LRBA: variants seen among roughly 807,000 people sequenced by gnomAD.
LRBA encodes the protein LPS responsive beige-like anchor protein.
A neutral mutation model predicts 330.0 loss-of-function variants in LRBA; 176 were observed. The observed-to-expected ratio is 0.53, with a 90% confidence interval of 0.47 to 0.60. The LOEUF is 0.60. Among genes scored for constraint, LRBA ranks in the 20% least tolerant of loss-of-function variants. The probability of loss-of-function intolerance (pLI) is 0.00; values close to 1 mark genes in which losing one functional copy is unlikely to be tolerated. For missense variants in LRBA, 3,259 were observed against 3,444.8 expected, an observed-to-expected ratio of 0.95 and a Z score of 1.35; for synonymous variants, 1,230 against 1,193.0, an observed-to-expected ratio of 1.03 and a Z score of -0.64.
At chr4:150,544,342 G>A (rs139028268) in intron 40 of LRBA, among the ~76,000 whole-genome samples, 1 of 151,958 alleles carries the variant, frequency 6.6e-6, no homozygotes, top group African/African-American at 2.4e-5. Flanking sequence ...TGGCCAGGCT[G>A]GTCTCAAACC....
chr4:150,498,040 A>C (rs1448119295), intron 40 of LRBA, among the ~76,000 whole-genome samples: 1 of 152,212 alleles, frequency 6.6e-6, no homozygotes, highest in Non-Finnish European at 1.5e-5. Context: ...CAGCTTTAAA[A>C]ATTAATTTCA....
intron 44 of LRBA, among the ~76,000 whole-genome samples, chr4:150,444,094 G>A (rs551484171): frequency 6.6e-6 from 1 of 151,616 alleles, no homozygotes; most frequent in African/African-American, 2.4e-5. Flanking sequence ...CATCAAAACC[G>A]AATTTTTTTA....
intron 36 of LRBA, among the ~76,000 whole-genome samples, chr4:150,707,623 T>A (rs2127021377): frequency 6.6e-6 from 1 of 151,814 alleles, no homozygotes; most frequent in East Asian, 1.9e-4. Context: ...CCATTTGTCC[T>A]AGAATTGGGG....
chr4:151,001,499 A>T (rs1269486285), intron 2 of LRBA, among the ~76,000 whole-genome samples: 1 of 151,926 alleles, frequency 6.6e-6, no homozygotes, highest in Admixed American at 6.6e-5. Context: ...TCAGCCCACT[A>T]CCATTGGCAC....
chr4:150,914,350 G>GA lies in LRBA; in HGVS notation c.1015-10dup, dbSNP rs753223643. On this transcript the variant is annotated splice_polypyrimidine_tract_variant and intron_variant, in intron 8 of 56. Transcript: ENST00000651943. ...AAACATTTGTCAAAGGTCTGTAAAA[G>GA]AAAAAAAAAAAGGAATTAGGAAAAA... The GA allele has an allele frequency of 0.032, 29,341 of 921,400 alleles. 7 individuals are homozygous for GA. The highest frequency in any genetic ancestry group is 0.039 in the South Asian group (1,429 of 36,726). The allele number at this position is 921,400 out of a possible 1,614,324, so 57.1% of individuals were successfully genotyped here. A position where few individuals can be genotyped will look rare whatever the true frequency, so the allele number is the denominator to read the frequency against.
At chr4:150,314,452 T>C (rs1731463989) in intron 51 of LRBA, among the ~76,000 whole-genome samples, 1 of 152,194 alleles carries the variant, frequency 6.6e-6, no homozygotes, top group Non-Finnish European at 1.5e-5. Context: ...ATCCTGATAG[T>C]CTACCTGCTA....
rs548030636 is a variant in LRBA at position 151,011,031 on chromosome 4, CA to C, written c.216+3395del. On this transcript the variant is annotated intron_variant, in intron 2 of 56. Transcript: ENST00000651943. ...TGAAACCCCGTCTCTACTAAAAATA[CA>C]AAAAATTAGCTGGGCGTGGTGGCGG... 1.9e-4 allele frequency among the ~76,000 whole-genome samples: 29 copies of C among 151,528 alleles called. No homozygotes were observed. The East Asian group carries it at 5.1e-3, about 26-fold the overall frequency.
At chr4:150,578,315 ACT>A (rs1455998231) in intron 40 of LRBA, among the ~76,000 whole-genome samples, 2 of 152,196 alleles carry the variant, frequency 1.3e-5, no homozygotes, top group Non-Finnish European at 2.9e-5. Context: ...TTTTTAAAGT[ACT>A]CTGTCAACTC....
chr4:150,926,339 A>C (rs1042797147), intron 4 of LRBA, among the ~76,000 whole-genome samples: 2 of 152,190 alleles, frequency 1.3e-5, no homozygotes, highest in African/African-American at 4.8e-5. Context: ...CTGAGACTTG[A>C]GAGTTATTCA....
intron 40 of LRBA, among the ~76,000 whole-genome samples, chr4:150,494,101 G>T (rs377098444): frequency 9.2e-5 from 14 of 152,042 alleles, no homozygotes; most frequent in African/African-American, 2.4e-4. Context: ...AGAAAAAAAA[G>T]AAAAATGAGG....
At position 150,850,828 on chromosome 4, in the gene LRBA, T is replaced by C. The variant is rs1226472293; in HGVS notation, c.3900A>G (p.Arg1300=). 1 of 1,613,820 alleles carries C rather than the reference T, an allele frequency of 6.2e-7. No homozygotes were observed. Among genetic ancestry groups the C allele is most frequent in the Non-Finnish European group, 8.5e-7 (1 of 1,179,880 alleles). The change falls in exon 24 of 57, where the codon AGA becomes AGG. Residue 1300 remains arginine, a synonymous_variant. Coordinates refer to ENST00000651943, the MANE Select transcript of LRBA (RefSeq NM_001364905.1). ...ACTCAGGAATACGAAACACAGTAGA[T>C]CTGGAATCCCTCCTTTGTCCATTAA... ...DAVNGQRRDS[R]STVFRIPEFN... is the part of the protein sequence containing the mutation.
intron 47 of LRBA, among the ~76,000 whole-genome samples, chr4:150,379,265 C>T (rs915063241): frequency 1.7e-4 from 23 of 137,572 alleles, no homozygotes; most frequent in Middle Eastern, 4.1e-3. Flanking sequence ...ATCACGCCAT[C>T]GCACTCCAGC....
At chr4:150,266,861 G>A (rs1195321795) in intron 56 of LRBA, among the ~76,000 whole-genome samples, 1 of 152,120 alleles carries the variant, frequency 6.6e-6, no homozygotes, top group Non-Finnish European at 1.5e-5. Flanking sequence ...AAAGTGAAAG[G>A]ATGGAAAAGA....
At position 150,394,685 on chromosome 4, in the gene LRBA, G is replaced by A. The variant is rs77731457; in HGVS notation, c.7194+20753C>T. 7.9e-3 allele frequency among the ~76,000 whole-genome samples: 1,201 copies of A among 152,300 alleles called. 17 individuals are homozygous for A. The highest frequency in any genetic ancestry group is 0.027 in the African/African-American group (1,141 of 41,566). On this transcript the variant is annotated intron_variant, in intron 47 of 56. Transcript: ENST00000651943. ...TTGCTTTGTTTAAGCCTTAGAGCTA[G>A]AATGAGGACCAATGGGTAGAATTTA...
intron 48 of LRBA, among the ~76,000 whole-genome samples, chr4:150,343,543 C>G (rs1362949052): frequency 1.3e-5 from 2 of 152,246 alleles, no homozygotes; most frequent in Non-Finnish European, 2.9e-5. Flanking sequence ...CAGTTTATCA[C>G]TCCCTTCCTT....
intron 47 of LRBA, among the ~76,000 whole-genome samples, chr4:150,377,901 G>A (rs1041700747): frequency 1.3e-5 from 2 of 151,640 alleles, no homozygotes; most frequent in African/African-American, 4.9e-5. Context: ...GACCTGGGAA[G>A]GGGAGGTTGC....
Position 150,805,674 on chromosome 4 carries a change from G to T in LRBA, c.5518+597C>A, listed in dbSNP as rs150714777. On this transcript the variant is annotated intron_variant, in intron 33 of 56. Coordinates refer to ENST00000651943, the MANE Select transcript of LRBA (RefSeq NM_001364905.1). Reference sequence around the variant, plus strand: ...AAAGGAAGGGAGAAGGAAAGGAAAAGAAACGAAAGGAAAGGAAAGGAGAAG... The same window carrying T: ...AAAGGAAGGGAGAAGGAAAGGAAAATAAACGAAAGGAAAGGAAAGGAGAAG... Among the ~76,000 whole-genome samples the T allele has an allele frequency of 4.5e-3, 674 of 151,208 alleles. 6 individuals carry two copies. The highest frequency in any genetic ancestry group is 0.016 in the African/African-American group (644 of 41,156).
intron 47 of LRBA, among the ~76,000 whole-genome samples, chr4:150,367,826 C>T (rs1399359614): frequency 3.3e-5 from 5 of 152,082 alleles, no homozygotes; most frequent in South Asian, 4.2e-4. Flanking sequence ...TTAGCTAATT[C>T]GTTCATATTC....
chr4:150,678,144 GAC>G (rs1446534655), intron 37 of LRBA, among the ~76,000 whole-genome samples: 1 of 151,658 alleles, frequency 6.6e-6, no homozygotes, highest in Non-Finnish European at 1.5e-5. Context: ...CAAAGGCTGA[GAC>G]AGGATAACTG....
Sources: allele counts gnomAD v4.1 joint callset (sites outside exome capture counted in the v4.1 genomes callset), GRCh38; gene constraint gnomAD v4.1.1; transcripts MANE v1.5; gene names NCBI Gene and HGNC (gene_info 2026-07-23, HGNC 2026-07-21).